ZNF714: variants seen among roughly 807,000 people sequenced by gnomAD.
ZNF714 encodes zinc finger protein 714.
ZNF714 carries 32 observed loss-of-function variants against 46.2 expected under a neutral mutation model. The ratio of observed to expected loss-of-function variants is 0.69; its 90% confidence interval spans 0.52 to 0.93. ZNF714 has a LOEUF of 0.93. ZNF714 is among the 40% of genes least tolerant of loss of function. ZNF714 has a pLI of 0.00. For missense variants in ZNF714, 635 were observed against 646.3 expected (o/e 0.98, Z 0.19); for synonymous variants, 199 against 213.1 (o/e 0.93, Z 0.58).
At chr19:21,101,871 A>G (rs1423279392) in intron 4 of ZNF714, among the ~76,000 whole-genome samples, 1 of 152,134 alleles carries the variant, frequency 6.6e-6, no homozygotes, top group Non-Finnish European at 1.5e-5. Flanking sequence ...AGTTTCTCAC[A>G]TGAATAAGTG....
rs1969702122 is a variant in ZNF714, at chr19:21,121,412, TG to T, written c.*3082del. 1.3e-5 allele frequency: 2 copies of T among 152,202 alleles called. No homozygotes were observed. Among genetic ancestry groups the T allele is most frequent in the Admixed American group, 1.3e-4 (2 of 15,286 alleles). The allele number at this position is 152,202 out of a possible 1,614,324, so 9.4% of individuals were successfully genotyped here. ...GTTATTTACTATAGAGTTATTTTTA[TG>T]GTCATAATACAAATTATATATGAGT... is the stretch of plus-strand genomic sequence containing the variant. On this transcript the variant is annotated 3_prime_UTR_variant, in exon 5 of 5. Coordinates refer to ENST00000456283, the MANE Select transcript of ZNF714 (RefSeq NM_182515.4).
At chr19:21,090,300 TA>T (rs2144827267) in intron 2 of ZNF714, among the ~76,000 whole-genome samples, 1 of 152,278 alleles carries the variant, frequency 6.6e-6, no homozygotes, top group South Asian at 2.1e-4. Context: ...GCAGTGATAA[TA>T]AAAAGTTGAG....
chr19:21,093,618 T>A (rs1311527167), intron 2 of ZNF714, among the ~76,000 whole-genome samples: 1 of 152,094 alleles, frequency 6.6e-6, no homozygotes, highest in African/African-American at 2.4e-5. Flanking sequence ...TTTTATTAAA[T>A]CTTCTATTTT....
intron 2 of ZNF714, among the ~76,000 whole-genome samples, chr19:21,084,694 G>A: frequency 1.3e-5 from 2 of 150,460 alleles, no homozygotes; most frequent in Non-Finnish European, 2.9e-5. Context: ...GGGCTTGAAA[G>A]GTAGGAAATT....
intron 4 of ZNF714, among the ~76,000 whole-genome samples, chr19:21,106,153 C>T (rs1045236237): frequency 6.6e-6 from 1 of 151,358 alleles, no homozygotes; most frequent in African/African-American, 2.4e-5. Flanking sequence ...TACTTGGGAA[C>T]CTGAGGCAGG....
intron 4 of ZNF714, 118 bp from the exon 5 acceptor site, chr19:21,116,689 C>T: frequency 8.4e-7 from 1 of 1,190,906 alleles, no homozygotes; most frequent in Non-Finnish European, 1.1e-6. Flanking sequence ...GATTTAGGGC[C>T]TGTGGTATTT....
chr19:21,104,011 C>A (rs556424153), intron 4 of ZNF714, among the ~76,000 whole-genome samples: 285 of 152,278 alleles, frequency 1.9e-3, no homozygotes, highest in Non-Finnish European at 3.8e-3. Flanking sequence ...TAACAAGAAC[C>A]CATTTTACCC....
chr19:21,095,302 C>T (rs1969009725), intron 2 of ZNF714, among the ~76,000 whole-genome samples: 1 of 152,098 alleles, frequency 6.6e-6, no homozygotes, highest in African/African-American at 2.4e-5. Context: ...GAACATGTTC[C>T]TTATAATGCT....
At chr19:21,099,650 G>A (rs1003169141) in intron 4 of ZNF714, among the ~76,000 whole-genome samples, 13 of 151,872 alleles carry the variant, frequency 8.6e-5, no homozygotes, top group African/African-American at 3.1e-4. Context: ...AAATTATGAT[G>A]TCCTGTCCCT....
Position 21,092,053 on chromosome 19 carries a change from C to G in ZNF714, c.-84-6132C>G, listed in dbSNP as rs957800881. ...GCCAGAAGAAAGATATCACAGAGGC[C>G]TGTCCTGGAATAAAACTCTTGGTAT... On this transcript the variant is annotated intron_variant, in intron 2 of 4. Transcript: ENST00000456283. Among the ~76,000 whole-genome samples the G allele has an allele frequency of 2.6e-5, 4 of 152,208 alleles. No individual in the cohort carries two copies. The Middle Eastern group carries it at 0.014, about 518-fold the overall frequency.
chr19:21,108,624 G>GT (rs1474035958), intron 4 of ZNF714, among the ~76,000 whole-genome samples: 2 of 152,160 alleles, frequency 1.3e-5, no homozygotes, highest in Non-Finnish European at 2.9e-5. Context: ...CACCATGATT[G>GT]TAAGTTTCCT....
At chr19:21,085,090 CAG>C (rs1213672518) in intron 2 of ZNF714, among the ~76,000 whole-genome samples, 1 of 152,044 alleles carries the variant, frequency 6.6e-6, no homozygotes, top group Non-Finnish European at 1.5e-5. Flanking sequence ...TGAATTCAAA[CAG>C]AATTTCAAGG....
At chr19:21,099,755 A>C (rs1969129659) in intron 4 of ZNF714, among the ~76,000 whole-genome samples, 1 of 152,174 alleles carries the variant, frequency 6.6e-6, no homozygotes, top group Non-Finnish European at 1.5e-5. Flanking sequence ...TATTGTGAAA[A>C]AAATGCCACT....
Position 21,083,998 on chromosome 19 carries a change from G to A in ZNF714, c.-156G>A, listed in dbSNP as rs554380041. On this transcript the variant is annotated 5_prime_UTR_variant, in exon 2 of 5. Transcript: ENST00000456283. Reference sequence around the variant, plus strand: ...CATAGGGCGACCTGAGGTCTGGAGTGTATCCTCTCAAGGGAGCAAGTGGAT... The same window carrying A: ...CATAGGGCGACCTGAGGTCTGGAGTATATCCTCTCAAGGGAGCAAGTGGAT... The A allele has an allele frequency of 3.1e-6, 4 of 1,286,488 alleles. No individual in the cohort carries two copies. The African/African-American group carries it at 4.8e-5, about 15-fold the overall frequency. The allele number at this position is 1,286,488 out of a possible 1,614,324, so 79.7% of individuals were successfully genotyped here. A position where few individuals can be genotyped will look rare whatever the true frequency, so the allele number is the denominator to read the frequency against.
intron 1 of ZNF714, among the ~76,000 whole-genome samples, chr19:21,082,694 G>GGAAGAGCTTT (rs1968683926): frequency 6.6e-6 from 1 of 151,774 alleles, no homozygotes; most frequent in Non-Finnish European, 1.5e-5. Context: ...GTTTATGAAT[G>GGAAGAGCTTT]GGTCCGTGGG....
chr19:21,114,101 T>C (rs780374853), intron 4 of ZNF714, among the ~76,000 whole-genome samples: 2 of 152,190 alleles, frequency 1.3e-5, no homozygotes, highest in Non-Finnish European at 2.9e-5. Flanking sequence ...CGTACTTCTT[T>C]GTCTTTTTTG....
At position 21,118,229 on chromosome 19, in the gene ZNF714, A is replaced by G. The variant is rs772593799; in HGVS notation, c.1565A>G (p.Gln522Arg). The G allele has an allele frequency of 1.9e-6, 3 of 1,574,410 alleles. No homozygotes were observed. The highest frequency in any genetic ancestry group is 1.7e-6 in the Non-Finnish European group (2 of 1,156,350). Reference protein sequence around the residue: ...NPNTLRGLGEQIARSGVQDQP... With the variant: ...NPNTLRGLGERIARSGVQDQP... ...AACACTTTGAGAGGACTAGGTGAGC[A>G]GATCGCGAGGTCAGGAGTTCAAGAC... The change falls in exon 5 of 5, where the codon CAG becomes CGG. Residue 522 changes from glutamine to arginine, a missense_variant. Gln to Arg is a conservative substitution (Grantham distance 43). Coordinates refer to ENST00000456283, the MANE Select transcript of ZNF714 (RefSeq NM_182515.4).
intron 4 of ZNF714, among the ~76,000 whole-genome samples, chr19:21,111,076 T>C (rs1969440455): frequency 6.6e-6 from 1 of 152,190 alleles, no homozygotes; most frequent in Admixed American, 6.5e-5. Flanking sequence ...TATGGGGTCT[T>C]TTGGGGTTTC....
At chr19:21,085,301 T>C (rs1329050374) in intron 2 of ZNF714, among the ~76,000 whole-genome samples, 4 of 152,356 alleles carry the variant, frequency 2.6e-5, no homozygotes, top group South Asian at 4.1e-4. Context: ...CATCCTGTTA[T>C]CTTGATTTCT....
Sources: allele counts gnomAD v4.1 joint callset (sites outside exome capture counted in the v4.1 genomes callset), GRCh38; gene constraint gnomAD v4.1.1; transcripts MANE v1.5; gene names NCBI Gene and HGNC (gene_info 2026-07-23, HGNC 2026-07-21).